Variants in ALK observed in about 807,000 individuals in gnomAD.
The protein encoded by ALK is ALK receptor tyrosine kinase, also known as ALK tyrosine kinase receptor.
In ALK, 74 loss-of-function variants were observed where a neutral mutation model predicts 163.1. The ratio of observed to expected loss-of-function variants is 0.45; its 90% CI spans 0.38 to 0.55. The LOEUF is 0.55. Among genes scored for constraint, ALK ranks in the 20% least tolerant of loss-of-function variants. The pLI is 0.00. For synonymous variants in ALK, 960 were observed against 843.2 expected, an observed-to-expected ratio of 1.14 and a Z score of -2.40; for missense variants, 2,063 against 2,105.3, an observed-to-expected ratio of 0.98 and a Z score of 0.39.
intron 3 of ALK, among the ~76,000 whole-genome samples, chr2:29,587,749 A>G (rs2148203934): frequency 6.6e-6 from 1 of 152,348 alleles, no homozygotes; most frequent in East Asian, 1.9e-4. Context: ...TAAAGATGAG[A>G]GACTGTGTTT....
chr2:29,760,631 G>A (rs954943341), intron 1 of ALK, among the ~76,000 whole-genome samples: 5 of 152,166 alleles, frequency 3.3e-5, no homozygotes, highest in Non-Finnish European at 7.3e-5. Flanking sequence ...CCTGGTCCAG[G>A]TGAGTACCAG....
At chr2:29,821,947 T>C (rs887972274) in intron 1 of ALK, among the ~76,000 whole-genome samples, 7 of 152,182 alleles carry the variant, frequency 4.6e-5, no homozygotes, top group African/African-American at 1.7e-4. Flanking sequence ...GGACATTCCT[T>C]CCTACCTATT....
chr2:29,715,966 T>C lies in ALK; in HGVS notation c.787+1612A>G, dbSNP rs543601842. ...TTATAAACTGCCCCAGGGTTTTTGATGGATTTTTTTTTAAGTTTAAAATAT... is the reference window on the plus strand; with the variant it reads ...TTATAAACTGCCCCAGGGTTTTTGACGGATTTTTTTTTAAGTTTAAAATAT... On this transcript the variant is annotated intron_variant, in intron 2 of 28. Coordinates refer to ENST00000389048, the MANE Select transcript of ALK (RefSeq NM_004304.5). Among the ~76,000 whole-genome samples the C allele has an allele frequency of 1.2e-4, 18 of 152,300 alleles. No homozygotes were observed. The South Asian group carries it at 3.5e-3, about 30-fold the overall frequency.
At chr2:29,773,752 A>G (rs1057325419) in intron 1 of ALK, among the ~76,000 whole-genome samples, 3 of 152,184 alleles carry the variant, frequency 2.0e-5, no homozygotes, top group Admixed American at 1.3e-4. Context: ...TCCCTATGAA[A>G]TTCTATTCTT....
intron 1 of ALK, among the ~76,000 whole-genome samples, chr2:29,881,174 A>T (rs886753338): frequency 2.0e-5 from 3 of 152,224 alleles, no homozygotes; most frequent in African/African-American, 4.8e-5. Flanking sequence ...AGAGGAATGC[A>T]GGCTGCTTTG....
intron 4 of ALK, among the ~76,000 whole-genome samples, chr2:29,456,404 C>G (rs932391492): frequency 6.6e-6 from 1 of 152,118 alleles, no homozygotes; most frequent in African/African-American, 2.4e-5. Flanking sequence ...AAAAATTTGA[C>G]ACACACTCCG....
chr2:29,354,409 A>G (rs1450733182), intron 5 of ALK, among the ~76,000 whole-genome samples: 1 of 152,164 alleles, frequency 6.6e-6, no homozygotes, highest in Non-Finnish European at 1.5e-5. Context: ...AGACTGGGAT[A>G]GTGCTGGGTG....
chr2:29,450,980 G>C (rs189177630), intron 4 of ALK, among the ~76,000 whole-genome samples: 2 of 152,272 alleles, frequency 1.3e-5, no homozygotes, highest in African/African-American at 4.8e-5. Flanking sequence ...ACTTTTATGA[G>C]CCCTAAAGTT....
chr2:29,784,051 A>G (rs1042447563), intron 1 of ALK, among the ~76,000 whole-genome samples: 1 of 152,206 alleles, frequency 6.6e-6, no homozygotes, highest in African/African-American at 2.4e-5. Context: ...GATATTAGAT[A>G]TGAGAGAGCG....
chr2:29,752,457 C>A lies in ALK; in HGVS notation c.668-34760G>T, dbSNP rs1245590916. On this transcript the variant is annotated intron_variant, in intron 1 of 28. Coordinates refer to ENST00000389048, the MANE Select transcript of ALK (RefSeq NM_004304.5). The stretch of plus-strand genomic sequence containing the variant: ...CTCCGCCTCCCGGGTTCACGCCATT[C>A]TCCTGCCTCAGCCTCCTGTGTAGCT... Among the ~76,000 whole-genome samples the A allele has an allele frequency of 4.0e-5, 6 of 149,794 alleles. No homozygotes were observed. The South Asian group carries it at 1.3e-3, about 32-fold the overall frequency.
At chr2:29,439,857 G>A (rs1416726661) in intron 4 of ALK, among the ~76,000 whole-genome samples, 1 of 152,114 alleles carries the variant, frequency 6.6e-6, no homozygotes, top group Non-Finnish European at 1.5e-5. Context: ...AACATGGCCT[G>A]GCTGACACCT....
At position 29,220,746 on chromosome 2, in the gene ALK, C is replaced by G; in HGVS notation, c.3605G>C (p.Gly1202Ala). 6.2e-7 allele frequency: 1 copy of G among 1,613,556 alleles called. No homozygotes were observed. Among genetic ancestry groups the G allele is most frequent in the South Asian group, 1.1e-5 (1 of 91,030 alleles). Residue 1202 changes from glycine (G) to alanine (A), a missense_variant, in exon 23 of 29, where the codon GGA (glycine) becomes GCA (alanine). Transcript: ENST00000389048. ...CTCTCGGAGGAAGGACTTGAGGTCT[C>G]CCCCCGCCATGAGCTCCAGCAGGAT... is the stretch of plus-strand genomic sequence containing the variant. ...RFILLELMAG[G>A]DLKSFLRETR...
intron 4 of ALK, among the ~76,000 whole-genome samples, chr2:29,470,764 C>T (rs1671329488): frequency 6.6e-6 from 1 of 151,308 alleles, no homozygotes; most frequent in African/African-American, 2.4e-5. Context: ...AAATTTTTCC[C>T]AAATGGAGGC....
intron 24 of ALK, among the ~76,000 whole-genome samples, chr2:29,210,964 G>A (rs1019488439): frequency 2.6e-5 from 4 of 152,302 alleles, no homozygotes; most frequent in Middle Eastern, 3.4e-3. Flanking sequence ...AGAAGTCTGG[G>A]ATGGGTCTCT....
intron 3 of ALK, among the ~76,000 whole-genome samples, chr2:29,536,461 G>A (rs1306931825): frequency 2.6e-5 from 4 of 152,154 alleles, no homozygotes; most frequent in African/African-American, 9.7e-5. Context: ...AGAAACAGAT[G>A]TCATTGCCAT....
intron 5 of ALK, among the ~76,000 whole-genome samples, chr2:29,335,409 C>T (rs1360412511): frequency 2.0e-5 from 3 of 152,112 alleles, no homozygotes; most frequent in South Asian, 2.1e-4. Context: ...CTGGAAGGAC[C>T]GTTAGTAATA....
intron 3 of ALK, among the ~76,000 whole-genome samples, chr2:29,630,118 G>A (rs779676110): frequency 9.8e-5 from 15 of 152,296 alleles, no homozygotes; most frequent in Admixed American, 2.6e-4. Flanking sequence ...CTGGCCACAT[G>A]TGCCTTAAAG....
At chr2:29,272,088 T>C (rs1201370375) in intron 11 of ALK, among the ~76,000 whole-genome samples, 1 of 151,148 alleles carries the variant, frequency 6.6e-6, no homozygotes, top group Non-Finnish European at 1.5e-5. Context: ...TGACTGTTCC[T>C]CCTCACTGCT....
At chr2:29,819,181 A>G (rs1330050011) in intron 1 of ALK, among the ~76,000 whole-genome samples, 1 of 152,228 alleles carries the variant, frequency 6.6e-6, no homozygotes, top group East Asian at 1.9e-4. Flanking sequence ...TGCATTTTTA[A>G]CAGGATCCCC....
Sources: allele counts gnomAD v4.1 joint callset (sites outside exome capture counted in the v4.1 genomes callset), GRCh38; gene constraint gnomAD v4.1.1; transcripts MANE v1.5; gene names NCBI Gene and HGNC (gene_info 2026-07-23, HGNC 2026-07-21).